Variants in ZCCHC9 observed in about 807,000 individuals in gnomAD.
The protein encoded by ZCCHC9 is zinc finger CCHC-type containing 9.
A neutral mutation model predicts 30.8 loss-of-function variants in ZCCHC9; 18 were observed. That is an observed-to-expected ratio of 0.58 (90% confidence interval 0.40 to 0.87). The LOEUF (loss-of-function observed/expected upper bound fraction) is 0.87, where lower values mean the gene tolerates loss of function less well. ZCCHC9 is among the 40% of genes least tolerant of loss of function. ZCCHC9 has a pLI of 0.00. For missense variants in ZCCHC9, 279 were observed against 331.2 expected (o/e 0.84, Z 1.22); for synonymous variants, 94 against 106.7 (o/e 0.88, Z 0.73).
At position 81,304,726 on chromosome 5, in the gene ZCCHC9, T is replaced by C. The variant is rs986289624; in HGVS notation, c.-17-15T>C. 6.5e-7 allele frequency: 1 copy of C among 1,534,048 alleles called. No homozygotes were observed. Among genetic ancestry groups the C allele is most frequent in the African/African-American group, 1.4e-5 (1 of 71,858 alleles). On this transcript the variant is annotated splice_polypyrimidine_tract_variant and intron_variant, in intron 1 of 5. Coordinates refer to ENST00000407610, the MANE Select transcript of ZCCHC9 (RefSeq NM_001131035.2). ...TGATGGCTAACCACCCATGCTTGTC[T>C]TAAAAATTGATAAGGTACCACTGAT...
At chr5:81,307,029 A>G (rs952089559) in intron 2 of ZCCHC9, among the ~76,000 whole-genome samples, 1 of 152,240 alleles carries the variant, frequency 6.6e-6, no homozygotes, top group African/African-American at 2.4e-5. Context: ...TAAGTAGGAA[A>G]AAAAGGACAG....
intron 3 of ZCCHC9, 44 bp from the exon 4 acceptor site, chr5:81,308,902 G>T: frequency 6.6e-7 from 1 of 1,522,468 alleles, no homozygotes; most frequent in Non-Finnish European, 9.0e-7. Flanking sequence ...TTTATGACTT[G>T]CCATATGTAT....
At chr5:81,308,058 T>TATCTATCTATC (rs1561305989) in intron 2 of ZCCHC9, among the ~76,000 whole-genome samples, 10 of 147,404 alleles carry the variant, frequency 6.8e-5, no homozygotes, top group South Asian at 2.2e-4. Context: ...TCTATCTATC[T>TATCTATCTATC]TATGGTTTGA....
chr5:81,305,626 G>A (rs1319201131), intron 2 of ZCCHC9, among the ~76,000 whole-genome samples: 2 of 152,002 alleles, frequency 1.3e-5, no homozygotes, highest in East Asian at 3.9e-4. Context: ...GCCAGGTGTG[G>A]TGGTACACAC....
chr5:81,304,649 A>T, intron 1 of ZCCHC9, 92 bp from the exon 2 acceptor site: 1 of 1,109,812 alleles, frequency 9.0e-7, no homozygotes, highest in Non-Finnish European at 1.3e-6. Flanking sequence ...ATATGGGCAT[A>T]TGTGACATAT....
intron 4 of ZCCHC9, 33 bp downstream of exon 4, chr5:81,309,071 G>A: frequency 6.8e-7 from 1 of 1,479,002 alleles, no homozygotes; most frequent in Non-Finnish European, 9.3e-7. Flanking sequence ...AGCAGAAATG[G>A]TGAGTCATCG....
At chr5:81,306,274 G>A (rs569034696) in intron 2 of ZCCHC9, among the ~76,000 whole-genome samples, 1 of 152,246 alleles carries the variant, frequency 6.6e-6, no homozygotes, top group Non-Finnish European at 1.5e-5. Flanking sequence ...AATGTTAACA[G>A]CCTCTATAAA....
rs1393471196 is a variant in ZCCHC9, at chr5:81,301,691, G to C, written c.-25G>C. The C allele has an allele frequency of 1.3e-5, 2 of 152,442 alleles. No homozygotes were observed. The highest frequency in any genetic ancestry group is 2.4e-5 in the African/African-American group (1 of 41,402). The allele number at this position is 152,442 out of a possible 1,614,324, so 9.4% of individuals were successfully genotyped here. On this transcript the variant is annotated 5_prime_UTR_variant, in exon 1 of 6. Coordinates refer to ENST00000407610, the MANE Select transcript of ZCCHC9 (RefSeq NM_001131035.2). Reference sequence around the variant, plus strand: ...GCGCGGTAAGAAGCTGCGCGGTAGCGCGGTGAGGTGAGGTTCTCAGCCACC... The same window carrying C: ...GCGCGGTAAGAAGCTGCGCGGTAGCCCGGTGAGGTGAGGTTCTCAGCCACC...
rs146763354 is a variant in ZCCHC9, at chr5:81,305,002, A to G, written c.245A>G (p.Asn82Ser). The stretch of plus-strand genomic sequence containing the variant: ...GGATTCATGGAATACCTAAGACAGA[A>G]TTCACAGATGGTTCACAATGGGCAA... The part of the protein sequence containing the change: ...VNGFMEYLRQ[N>S]SQMVHNGQII... Residue 82 changes from asparagine to serine, a missense_variant, in exon 2 of 6, where the codon AAT (asparagine) becomes AGT (serine). By Grantham distance (46) the Asn-to-Ser change is conservative. Coordinates refer to ENST00000407610, the MANE Select transcript of ZCCHC9 (RefSeq NM_001131035.2). 1.9e-5 allele frequency: 30 copies of G among 1,614,224 alleles called. No individual in the cohort carries two copies. In the African/African-American group the frequency reaches 3.9e-4, roughly 21 times the overall value.
At chr5:81,307,220 T>C (rs979573624) in intron 2 of ZCCHC9, among the ~76,000 whole-genome samples, 5 of 152,238 alleles carry the variant, frequency 3.3e-5, no homozygotes, top group African/African-American at 1.2e-4. Flanking sequence ...TTCTCATTTA[T>C]TGCAGCAAAA....
chr5:81,308,795 T>C, intron 3 of ZCCHC9, 84 bp downstream of exon 3: 1 of 1,515,458 alleles, frequency 6.6e-7, no homozygotes, highest in Non-Finnish European at 8.9e-7. Context: ...CACAATTTGT[T>C]ACGAGTGTGC....
rs762168688 is a variant in ZCCHC9 at position 81,311,236 on chromosome 5, T to C, written c.654T>C (p.Ser218=). 8.7e-6 allele frequency: 14 copies of C among 1,614,134 alleles called. No individual in the cohort carries two copies. The highest frequency in any genetic ancestry group is 1.2e-5 in the Non-Finnish European group (14 of 1,179,962). The change falls in exon 5 of 6, where the codon TCT becomes TCC. Residue 218 remains serine, a synonymous_variant. Coordinates refer to ENST00000407610, the MANE Select transcript of ZCCHC9 (RefSeq NM_001131035.2). ...ADGGGCKLCG[S]VEHLKKDCPE... is the part of the protein sequence containing the mutation. ...GTGGCGGTTGCAAACTTTGTGGCTC[T>C]GTGGAACATTTAAAGAAAGATTGCC... is the stretch of plus-strand genomic sequence containing the variant.
intron 4 of ZCCHC9, among the ~76,000 whole-genome samples, chr5:81,310,157 T>TAAAAAAAAAAAAAAAAAAAAAAAAAAAA (rs71000814): frequency 1.3e-4 from 14 of 104,752 alleles, no homozygotes; most frequent in African/African-American, 4.9e-4. Context: ...TGACTAGCTG[T>TAAAAAAAAAAAAAAAAAAAAAAAAAAAA]AAAAAAAAAA....
chr5:81,303,384 G>A (rs1290813805), intron 1 of ZCCHC9: 2 of 152,202 alleles, frequency 1.3e-5, no homozygotes, highest in African/African-American at 4.8e-5. Flanking sequence ...CTAATGTGTT[G>A]TATAGCTATA....
chr5:81,306,777 T>C (rs552455332), intron 2 of ZCCHC9, among the ~76,000 whole-genome samples: 4 of 152,306 alleles, frequency 2.6e-5, no homozygotes, highest in African/African-American at 9.6e-5. Flanking sequence ...AAAAATGTTG[T>C]ATTAGGTGAT....
At chr5:81,311,097 T>A in intron 4 of ZCCHC9, 114 bp from the exon 5 acceptor site, 1 of 1,031,736 alleles carries the variant, frequency 9.7e-7, no homozygotes, top group South Asian at 1.3e-5. Context: ...CTGGTCTAGC[T>A]ACCTTTACAA....
At chr5:81,310,157 T>TAAAA (rs71000814) in intron 4 of ZCCHC9, among the ~76,000 whole-genome samples, 4 of 104,758 alleles carry the variant, frequency 3.8e-5, no homozygotes, top group South Asian at 6.5e-4. Flanking sequence ...TGACTAGCTG[T>TAAAA]AAAAAAAAAA....
At position 81,308,873 on chromosome 5, in the gene ZCCHC9, A is replaced by G. The variant is rs559945773; in HGVS notation, c.536-73A>G. 9.7e-4 allele frequency: 1,387 copies of G among 1,431,204 alleles called. 2 individuals carry two copies. Among genetic ancestry groups the G allele is most frequent in the Non-Finnish European group, 1.3e-3 (1,320 of 1,053,022 alleles). 88.7% of individuals were successfully genotyped at this position (1,431,204 alleles called of 1,614,324 possible). On this transcript the variant is annotated intron_variant, in intron 3 of 5. Transcript: ENST00000407610. ...TGTAAATATATTTTTTATTCAGAGT[A>G]TTTTAAAATAATGTTAATTTTATGA...
In ZCCHC9 at chr5:81,305,058, G is replaced by C; in HGVS notation, c.301G>C (p.Glu101Gln). Residue 101 changes from glutamate to glutamine, a missense_variant, in exon 2 of 6, where the codon GAA (glutamate) becomes CAA (glutamine). Transcript: ENST00000407610. Reference protein sequence around the residue: ...IIATDSEEVREEIAVALKKDS... With the variant: ...IIATDSEEVRQEIAVALKKDS... ...AGCAACAGACAGTGAGGAAGTAAGG[G>C]AAGAAATTGCAGTTGCTTTAAAGAA... is the stretch of plus-strand genomic sequence containing the variant. 1.9e-6 allele frequency: 3 copies of C among 1,612,784 alleles called. No homozygotes were observed. The highest frequency in any genetic ancestry group is 2.5e-6 in the Non-Finnish European group (3 of 1,179,724).
Sources: allele counts gnomAD v4.1 joint callset (sites outside exome capture counted in the v4.1 genomes callset), GRCh38; gene constraint gnomAD v4.1.1; transcripts MANE v1.5; gene names NCBI Gene and HGNC (gene_info 2026-07-23, HGNC 2026-07-21).